Variants in TGFBR3 observed in about 807,000 individuals in gnomAD.
TGFBR3 encodes the protein transforming growth factor beta receptor 3.
A neutral mutation model predicts 87.9 loss-of-function variants in TGFBR3; 46 were observed. The observed-to-expected ratio is 0.52, with a 90% confidence interval of 0.41 to 0.67. The LOEUF (loss-of-function observed/expected upper bound fraction) is 0.67. Ranked by LOEUF, TGFBR3 falls within the 30% of genes least tolerant of loss-of-function variation. The pLI is 0.00. For missense variants in TGFBR3, 866 were observed against 1,041.9 expected (o/e 0.83, Z 2.32); for synonymous variants, 381 against 391.6 (o/e 0.97, Z 0.32).
At chr1:91,858,842 G>T (rs974961489) in intron 2 of TGFBR3, among the ~76,000 whole-genome samples, 5 of 151,866 alleles carry the variant, frequency 3.3e-5, no homozygotes, top group African/African-American at 9.7e-5. Flanking sequence ...GATCACTTGA[G>T]GTCAGGAGTT....
intron 16 of TGFBR3, among the ~76,000 whole-genome samples, chr1:91,685,555 C>T (rs1246187170): frequency 6.6e-6 from 1 of 152,064 alleles, no homozygotes; most frequent in African/African-American, 2.4e-5. Flanking sequence ...ATCTCCTGAC[C>T]TCGTGATCGG....
chr1:91,742,961 G>A (rs1047782580), intron 4 of TGFBR3, among the ~76,000 whole-genome samples: 1 of 152,082 alleles, frequency 6.6e-6, no homozygotes, highest in Non-Finnish European at 1.5e-5. Flanking sequence ...TCTGGATCAG[G>A]TTCAACAACC....
rs1425002335 is a variant in TGFBR3, at chr1:91,797,443, C to G, written c.90G>C (p.Leu30=). ...CAGGATGGGAGGCACTGACAGGTGA[C>G]AGTTCACACAGTGCACCAGGCTCTG... ...AGPEPGALCE[L]SPVSASHPVQ... Residue 30 remains leucine (L), a synonymous_variant, in exon 3 of 17, where the codon CTG becomes CTC. Coordinates refer to ENST00000212355, the MANE Select transcript of TGFBR3 (RefSeq NM_003243.5). 6.2e-7 allele frequency: 1 copy of G among 1,614,216 alleles called. No individual in the cohort carries two copies.
chr1:91,740,123 G>A (rs989672861), intron 4 of TGFBR3, among the ~76,000 whole-genome samples: 4 of 152,112 alleles, frequency 2.6e-5, no homozygotes, highest in African/African-American at 7.2e-5. Context: ...GCAATGGTGC[G>A]ATCTCGGCTC....
intron 1 of TGFBR3, among the ~76,000 whole-genome samples, chr1:91,902,058 C>G (rs1327738463): frequency 6.6e-6 from 1 of 151,710 alleles, no homozygotes; most frequent in African/African-American, 2.4e-5. Flanking sequence ...TTACATAATA[C>G]TAGCATGCAC....
chr1:91,845,328 T>C (rs748234078), intron 2 of TGFBR3, among the ~76,000 whole-genome samples: 5 of 152,210 alleles, frequency 3.3e-5, no homozygotes, highest in African/African-American at 4.8e-5. Flanking sequence ...CTGAGGCCTG[T>C]CAACAGGAGG....
intron 14 of TGFBR3, among the ~76,000 whole-genome samples, chr1:91,700,596 G>A (rs1480069816): frequency 1.3e-5 from 2 of 152,076 alleles, no homozygotes; most frequent in Non-Finnish European, 2.9e-5. Flanking sequence ...ATATGCAAAA[G>A]TATACTTAAA....
chr1:91,865,240 T>C (rs1179181077), intron 1 of TGFBR3, among the ~76,000 whole-genome samples: 1 of 142,050 alleles, frequency 7.0e-6, no homozygotes, highest in Non-Finnish European at 1.5e-5. Flanking sequence ...AAGAAAGAAA[T>C]ATAGGTTCTG....
chr1:91,866,296 C>T (rs186201152), intron 1 of TGFBR3, among the ~76,000 whole-genome samples: 2 of 152,264 alleles, frequency 1.3e-5, no homozygotes, highest in Admixed American at 1.3e-4. Flanking sequence ...CCTTAGATGG[C>T]TAACATGGCC....
chr1:91,704,427 A>G (rs935411457), intron 14 of TGFBR3, among the ~76,000 whole-genome samples: 7 of 152,116 alleles, frequency 4.6e-5, no homozygotes, highest in Admixed American at 6.5e-5. Context: ...AGTTTTCAGT[A>G]AAAACTAGAA....
intron 2 of TGFBR3, among the ~76,000 whole-genome samples, chr1:91,844,262 C>T (rs1571566028): frequency 6.6e-6 from 1 of 152,196 alleles, no homozygotes; most frequent in African/African-American, 2.4e-5. Context: ...CCCCTGAGCT[C>T]ACTCTCCAGG....
At chr1:91,849,371 C>T (rs1027205304) in intron 2 of TGFBR3, among the ~76,000 whole-genome samples, 1 of 151,982 alleles carries the variant, frequency 6.6e-6, no homozygotes, top group Non-Finnish European at 1.5e-5. Context: ...CCAGCAGGCA[C>T]CTGGCCCACC....
intron 14 of TGFBR3, among the ~76,000 whole-genome samples, chr1:91,698,758 G>A (rs912178136): frequency 1.3e-5 from 2 of 151,888 alleles, no homozygotes; most frequent in Admixed American, 6.6e-5. Context: ...CATCTGCCTC[G>A]ACCTCCCAAA....
chr1:91,861,587 G>T lies in TGFBR3; in HGVS notation c.-56C>A. ...GTCACTTCAGCCTGCTCAGAGCACA[G>T]ACAATCTTTGCAAATCAGAAGTAGT... On this transcript the variant is annotated 5_prime_UTR_variant, in exon 2 of 17. In the 5' UTR this introduces an upstream ATG that the reference lacks. Coordinates refer to ENST00000212355, the MANE Select transcript of TGFBR3 (RefSeq NM_003243.5). The T allele has an allele frequency of 7.2e-7, 1 of 1,395,512 alleles. No individual in the cohort carries two copies. Among genetic ancestry groups the T allele is most frequent in the Non-Finnish European group, 1.0e-6 (1 of 981,274 alleles). 86.4% of individuals were successfully genotyped at this position (1,395,512 alleles called of 1,614,324 possible).
intron 4 of TGFBR3, among the ~76,000 whole-genome samples, chr1:91,747,014 T>C (rs1287073389): frequency 6.6e-6 from 1 of 152,238 alleles, no homozygotes; most frequent in Non-Finnish European, 1.5e-5. Flanking sequence ...AAGCTCAGGC[T>C]GCACACTTCC....
chr1:91,714,877 G>T (rs35166025), intron 12 of TGFBR3, among the ~76,000 whole-genome samples: 10,733 of 152,268 alleles, frequency 0.07, 402 homozygotes, highest in Non-Finnish European at 0.087. Flanking sequence ...CTCAAAGAAA[G>T]AGAACTCTCA....
intron 2 of TGFBR3, among the ~76,000 whole-genome samples, chr1:91,859,607 C>CAAA (rs1557748980): frequency 6.6e-6 from 1 of 151,944 alleles, no homozygotes; most frequent in African/African-American, 2.4e-5. Flanking sequence ...ACAACAACAA[C>CAAA]AAAAAAGGCC....
At chr1:91,782,289 A>G (rs888389458) in intron 3 of TGFBR3, among the ~76,000 whole-genome samples, 3 of 152,218 alleles carry the variant, frequency 2.0e-5, no homozygotes, top group African/African-American at 7.2e-5. Flanking sequence ...TTTTGGGGCC[A>G]GATGACTGAG....
chr1:91,905,622 C>T (rs964636132), intron 1 of TGFBR3, among the ~76,000 whole-genome samples: 1 of 151,892 alleles, frequency 6.6e-6, no homozygotes, highest in African/African-American at 2.4e-5. Flanking sequence ...TTAGTAGAGA[C>T]GGGGTTTCGC....
Sources: gnomAD v4.1 joint callset for allele counts (sites outside exome capture counted in the v4.1 genomes callset) on GRCh38, gnomAD v4.1.1 for gene constraint, MANE v1.5 for transcripts, NCBI Gene and HGNC (gene_info 2026-07-23, HGNC 2026-07-21) for gene names.